Variants in ANO6 observed in about 807,000 individuals in gnomAD.
ANO6 encodes anoctamin 6, also known as anoctamin-6.
Under a neutral mutation model 117.5 loss-of-function variants are expected in ANO6, and 106 were observed. That is an observed-to-expected ratio of 0.90 (90% CI 0.77 to 1.06). ANO6 has a LOEUF of 1.06. Ranked by LOEUF, ANO6 falls within the 50% of genes least tolerant of loss-of-function variation. ANO6 has a pLI of 0.00. For missense variants in ANO6, 955 were observed against 1,121.1 expected, an observed-to-expected ratio of 0.85 and a Z score of 2.12; for synonymous variants, 367 against 385.1, an observed-to-expected ratio of 0.95 and a Z score of 0.55.
At chr12:45,247,635 G>A (rs1051320525) in intron 1 of ANO6, among the ~76,000 whole-genome samples, 1 of 152,198 alleles carries the variant, frequency 6.6e-6, no homozygotes, top group Non-Finnish European at 1.5e-5. Flanking sequence ...TGGGATTAGA[G>A]TGCTGCCACT....
chr12:45,387,245 T>A (rs1242574950), intron 10 of ANO6, among the ~76,000 whole-genome samples: 1 of 152,238 alleles, frequency 6.6e-6, no homozygotes, highest in Admixed American at 6.5e-5. Flanking sequence ...ATTTAATGTT[T>A]TTATTTACTA....
At chr12:45,270,462 G>A (rs899646130) in intron 1 of ANO6, 348 of 1,522,284 alleles carry the variant, frequency 2.3e-4, no homozygotes, top group Non-Finnish European at 2.8e-4. Context: ...CATCCTTCAG[G>A]TGATGTTCCT....
At position 45,216,240 on chromosome 12, in the gene ANO6, G is replaced by C; in HGVS notation, c.-82G>C. ...ACACACGCCCCGCGGTCCCCGATCC[G>C]GCCCCTGGGAGAGCCGCGCCGTTCT... On this transcript the variant is annotated 5_prime_UTR_variant, in exon 1 of 20. Transcript: ENST00000320560. 6.7e-7 allele frequency: 1 copy of C among 1,488,432 alleles called. No individual in the cohort carries two copies. Among genetic ancestry groups the C allele is most frequent in the African/African-American group, 1.4e-5 (1 of 71,628 alleles). The allele number at this position is 1,488,432 out of a possible 1,614,324, so 92.2% of individuals were successfully genotyped here.
intron 1 of ANO6, among the ~76,000 whole-genome samples, chr12:45,288,511 G>A (rs1474492477): frequency 6.6e-6 from 1 of 152,050 alleles, no homozygotes; most frequent in Non-Finnish European, 1.5e-5. Flanking sequence ...TTTTGTGACT[G>A]GTTTATGTTG....
chr12:45,375,053 A>G (rs1941965685), intron 9 of ANO6, among the ~76,000 whole-genome samples: 1 of 151,968 alleles, frequency 6.6e-6, no homozygotes, highest in Non-Finnish European at 1.5e-5. Context: ...ATTCTTATAC[A>G]CCAACAACAT....
At chr12:45,429,014 T>C (rs1277380831) in intron 19 of ANO6, 91 bp from the exon 20 acceptor site, 1 of 1,493,000 alleles carries the variant, frequency 6.7e-7, no homozygotes, top group Non-Finnish European at 9.1e-7. Flanking sequence ...CTTGTCCAGA[T>C]AAACTGCCAT....
At chr12:45,296,323 G>T (rs529127498) in intron 1 of ANO6, among the ~76,000 whole-genome samples, 1 of 152,042 alleles carries the variant, frequency 6.6e-6, no homozygotes, top group Non-Finnish European at 1.5e-5. Flanking sequence ...AGTTGCGTAC[G>T]TTGACTAGAT....
intron 12 of ANO6, among the ~76,000 whole-genome samples, chr12:45,399,779 G>A (rs192863260): frequency 6.3e-4 from 96 of 152,258 alleles, no homozygotes; most frequent in African/African-American, 2.2e-3. Flanking sequence ...AACAGACCCA[G>A]GCTAGCAAAA....
chr12:45,392,620 G>A (rs1942485300), intron 12 of ANO6, among the ~76,000 whole-genome samples: 1 of 152,208 alleles, frequency 6.6e-6, no homozygotes, highest in Non-Finnish European at 1.5e-5. Flanking sequence ...ACCTCATATA[G>A]GGTGCTACCT....
At chr12:45,333,965 T>C (rs975161450) in intron 3 of ANO6, among the ~76,000 whole-genome samples, 6 of 152,022 alleles carry the variant, frequency 3.9e-5, no homozygotes, top group African/African-American at 1.4e-4. Flanking sequence ...TTAAACACTT[T>C]ATAGGGCTGG....
At chr12:45,440,382 G>A (rs1052804779) in exon 20 of ANO6, 1 of 152,488 alleles carries the variant, frequency 6.6e-6, no homozygotes, top group African/African-American at 2.4e-5. Context: ...TGGGACTACA[G>A]GCGCCCACCA....
intron 1 of ANO6, among the ~76,000 whole-genome samples, chr12:45,295,863 AT>A (rs1939277109): frequency 6.6e-6 from 1 of 151,194 alleles, no homozygotes; most frequent in Non-Finnish European, 1.5e-5. Flanking sequence ...TTTTATTTTT[AT>A]TTTTATTTTT....
chr12:45,273,309 C>G (rs1447287721), intron 1 of ANO6, among the ~76,000 whole-genome samples: 1 of 152,106 alleles, frequency 6.6e-6, no homozygotes, highest in Non-Finnish European at 1.5e-5. Context: ...TGAATATATT[C>G]AATCTTTGTC....
In ANO6 at chr12:45,403,113, ATG is replaced by A; in HGVS notation, c.1655_1656del (p.Met552LysfsTer21). 1 of 1,614,068 alleles carries A rather than the reference ATG, an allele frequency of 6.2e-7. No homozygotes were observed. Among genetic ancestry groups the A allele is most frequent in the Non-Finnish European group, 8.5e-7 (1 of 1,179,950 alleles). On this transcript the variant is annotated frameshift_variant, in exon 14 of 20. Transcript: ENST00000320560. LOFTEE classifies it high-confidence loss of function. ...TQTDYENSLTMKMFLFQFVNY... is the reference protein window; with the variant it reads ...TQTDYENSLTXKMFLFQFVNY... ...GACTGATTATGAGAACAGCCTCACC[ATG>A]AAGATGTTCTTATTCCAGTTTGTCA...
chr12:45,429,234 A>G lies in ANO6; in HGVS notation c.2656A>G (p.Met886Val), dbSNP rs59243955. ...TCTTCATGAGAATCACCTCAAAGATATGACGAAAAATATGGGGGTGATAGC... is the reference window on the plus strand; with the variant it reads ...TCTTCATGAGAATCACCTCAAAGATGTGACGAAAAATATGGGGGTGATAGC... ...KLLHENHLKD[M>V]TKNMGVIAER... Residue 886 changes from methionine to valine, a missense_variant, in exon 20 of 20, where the codon ATG (methionine) becomes GTG (valine). Met to Val is a conservative substitution (Grantham distance 21). Transcript: ENST00000320560. 2,734 of 1,613,986 alleles carry G rather than the reference A, an allele frequency of 1.7e-3. 27 individuals carry two copies. The African/African-American group carries it at 0.026, about 16-fold the overall frequency.
At chr12:45,439,664 T>C in intron 19 of ANO6, 1 of 1,316,792 alleles carries the variant, frequency 7.6e-7, no homozygotes, top group East Asian at 2.8e-5. Flanking sequence ...TTTTTTTTTT[T>C]TTTGAGACAG....
chr12:45,376,445 ACCAAC>A (rs1942021549), intron 9 of ANO6, among the ~76,000 whole-genome samples: 1 of 132,406 alleles, frequency 7.6e-6, no homozygotes, highest in Non-Finnish European at 1.6e-5. Context: ...AAGACTTGGA[ACCAAC>A]CCAAATGTCC....
At chr12:45,367,324 A>G (rs12578638) in intron 8 of ANO6, among the ~76,000 whole-genome samples, 7,180 of 152,248 alleles carry the variant, frequency 0.047, 225 homozygotes, top group East Asian at 0.14. Flanking sequence ...TTTAGGGTCT[A>G]TTAAGTCATC....
In ANO6 at chr12:45,388,234, G is replaced by A. The variant is rs746985360; in HGVS notation, c.1239G>A (p.Gln413=). The A allele has an allele frequency of 6.2e-7, 1 of 1,614,126 alleles. No individual in the cohort carries two copies. The highest frequency in any genetic ancestry group is 8.5e-7 in the Non-Finnish European group (1 of 1,179,992). Residue 413 remains glutamine (Q), a synonymous_variant, in exon 11 of 20, where the codon CAG becomes CAA. Transcript: ENST00000320560. ...LEYEWDTVEL[Q]QEEQARPEYE... is the part of the protein sequence containing the mutation. Reference sequence around the variant, plus strand: ...ATGAATGGGATACTGTTGAGTTACAGCAGGAAGAACAAGCCCGACCAGAAT... The same window carrying A: ...ATGAATGGGATACTGTTGAGTTACAACAGGAAGAACAAGCCCGACCAGAAT...
Sources: gnomAD v4.1 joint callset for allele counts (sites outside exome capture counted in the v4.1 genomes callset) on GRCh38, gnomAD v4.1.1 for gene constraint, MANE v1.5 for transcripts, NCBI Gene and HGNC (gene_info 2026-07-23, HGNC 2026-07-21) for gene names.